Variants in ACOX3 observed in about 807,000 individuals in gnomAD.
ACOX3 encodes the protein acyl-CoA oxidase 3, pristanoyl, also known as peroxisomal acyl-coenzyme A oxidase 3.
A neutral mutation model predicts 81.5 loss-of-function variants in ACOX3; 73 were observed. That is an observed-to-expected ratio of 0.90 (90% CI 0.74 to 1.09). ACOX3 has a LOEUF of 1.09. Among genes scored for constraint, ACOX3 ranks in the 50% least tolerant of loss-of-function variants. ACOX3 has a pLI of 0.00. For missense variants in ACOX3, 947 were observed against 928.0 expected, an observed-to-expected ratio of 1.02 and a Z score of -0.27; for synonymous variants, 387 against 375.1, an observed-to-expected ratio of 1.03 and a Z score of -0.37.
Position 8,382,845 on chromosome 4 carries a change from A to C in ACOX3, c.1538-1238T>G, listed in dbSNP as rs1717849251. Among the ~76,000 whole-genome samples the C allele has an allele frequency of 6.6e-6, 1 of 151,978 alleles. No homozygotes were observed. The highest frequency in any genetic ancestry group is 1.5e-5 in the Non-Finnish European group (1 of 67,966). On this transcript the variant is annotated intron_variant, in intron 13 of 17. Coordinates refer to ENST00000356406, the MANE Select transcript of ACOX3 (RefSeq NM_003501.3). The surrounding 1 kb of genome is among the most constrained non-coding windows in gnomAD (Gnocchi z 4.1). ...GTCTCTACTAAAAATACAAAAAATT[A>C]GCCGGGCGCAGTGGCAGGCGCCTGT...
At position 8,381,823 on chromosome 4, in the gene ACOX3, TGGCTCA is replaced by T. The variant is rs1053304556; in HGVS notation, c.1538-222_1538-217del. 1.3e-5 allele frequency among the ~76,000 whole-genome samples: 2 copies of T among 152,208 alleles called. No homozygotes were observed. Among genetic ancestry groups the T allele is most frequent in the Non-Finnish European group, 2.9e-5 (2 of 68,026 alleles). On this transcript the variant is annotated intron_variant, in intron 13 of 17. Transcript: ENST00000356406. The surrounding 1 kb of genome is among the most constrained non-coding windows in gnomAD (Gnocchi z 4.3). The stretch of plus-strand genomic sequence containing the variant: ...GGCCCCCCTGGCTGGAGGCACTTCC[TGGCTCA>T]GCCCAGGGCTGTCCTGAGTTCTACA...
chr4:8,417,512 G>A (rs10022276), intron 1 of ACOX3, among the ~76,000 whole-genome samples: 2,984 of 152,322 alleles, frequency 0.02, 109 homozygotes, highest in African/African-American at 0.068. Flanking sequence ...ATGGAGAAAC[G>A]GAAGCTCAGA....
chr4:8,376,318 G>C (rs1315626122), intron 14 of ACOX3, among the ~76,000 whole-genome samples: 1 of 150,496 alleles, frequency 6.6e-6, no homozygotes, highest in Non-Finnish European at 1.5e-5. Context: ...TGCTTGACTT[G>C]TTAGGATGAG....
chr4:8,366,711 A>T lies in ACOX3; in HGVS notation c.*250T>A. On this transcript the variant is annotated 3_prime_UTR_variant, in exon 18 of 18. Coordinates refer to ENST00000356406, the MANE Select transcript of ACOX3 (RefSeq NM_003501.3). ...CTAATTATCAAAAAACCCACGGCGCATCAGGTAGACATGATCATCTGCATT... is the reference window on the plus strand; with the variant it reads ...CTAATTATCAAAAAACCCACGGCGCTTCAGGTAGACATGATCATCTGCATT... 2.8e-6 allele frequency: 1 copy of T among 351,090 alleles called. No individual in the cohort carries two copies. The highest frequency in any genetic ancestry group is 5.2e-6 in the Non-Finnish European group (1 of 191,318). 21.7% of individuals were successfully genotyped at this position (351,090 alleles called of 1,614,324 possible).
In ACOX3 at chr4:8,370,785, G is replaced by A. The variant is rs1323961105; in HGVS notation, c.1983+123C>T. ...ACTTGTCCCGGGCCCTCCCCAAGAA[G>A]CTCCTCCATGTGTGACCACTTTCCA... On this transcript the variant is annotated intron_variant, in intron 17 of 17. Transcript: ENST00000356406. The surrounding 1 kb of genome is among the most constrained non-coding windows in gnomAD (Gnocchi z 6.3). The A allele has an allele frequency of 1.1e-5, 9 of 809,146 alleles. No individual in the cohort carries two copies. The highest frequency in any genetic ancestry group is 6.6e-4 in the Middle Eastern group (2 of 3,034). 50.1% of individuals were successfully genotyped at this position (809,146 alleles called of 1,614,324 possible). A position where few individuals can be genotyped will look rare whatever the true frequency, so the allele number is the denominator to read the frequency against.
At position 8,432,244 on chromosome 4, in the gene ACOX3, T is replaced by C. The variant is rs1270712535; in HGVS notation, c.-15+8404A>G. Among the ~76,000 whole-genome samples, 1 of 152,208 alleles carries C rather than the reference T, an allele frequency of 6.6e-6. No individual in the cohort carries two copies. Among genetic ancestry groups the C allele is most frequent in the African/African-American group, 2.4e-5 (1 of 41,458 alleles). On this transcript the variant is annotated intron_variant, in intron 1 of 17. Coordinates refer to ENST00000356406, the MANE Select transcript of ACOX3 (RefSeq NM_003501.3). The surrounding 1 kb of genome is among the most constrained non-coding windows in gnomAD (Gnocchi z 6.2). ...GTTACTGGCTTGAGCCAATGAATTT[T>C]TTTTTTCGAGATGGAGTCTCGCTCT... is the stretch of plus-strand genomic sequence containing the variant.
intron 16 of ACOX3, 80 bp downstream of exon 16, chr4:8,373,481 G>C: frequency 6.9e-7 from 1 of 1,455,788 alleles, no homozygotes; most frequent in Non-Finnish European, 9.5e-7. Context: ...TGTCGGTCTG[G>C]GTGATGCTAA....
chr4:8,426,465 C>A (rs114131448), intron 1 of ACOX3, among the ~76,000 whole-genome samples: 1 of 152,056 alleles, frequency 6.6e-6, no homozygotes, highest in Non-Finnish European at 1.5e-5. Flanking sequence ...CAAGCGACAA[C>A]TGCGAGGAAA....
At chr4:8,356,405 G>C in the ACOX3 span, 1 of 400,200 alleles carries the variant, frequency 2.5e-6, no homozygotes, top group Non-Finnish European at 5.1e-6. Context: ...GCATGTGCAC[G>C]GATGGCTGCC....
chr4:8,369,226 G>A (rs1715851046), intron 17 of ACOX3, among the ~76,000 whole-genome samples: 1 of 152,118 alleles, frequency 6.6e-6, no homozygotes, highest in South Asian at 2.1e-4. Flanking sequence ...TCCATGGCGG[G>A]TCTGGCTCCA....
At chr4:8,421,395 A>T (rs2631762) in intron 1 of ACOX3, among the ~76,000 whole-genome samples, 108,102 of 152,186 alleles carry the variant, frequency 0.71, 39,261 homozygotes, top group African/African-American at 0.86. Flanking sequence ...TTGGGGAAGC[A>T]GAGGGCTGAC....
chr4:8,375,026 G>A lies in ACOX3; in HGVS notation c.1780C>T (p.Leu594=), dbSNP rs1170341420. The change falls in exon 15 of 18, where the codon CTG becomes TTG. Residue 594 remains leucine, a synonymous_variant. Transcript: ENST00000356406. ...LRAVLGRLSA[L]YALWSLSRHA... The stretch of plus-strand genomic sequence containing the variant: ...CGGCTCAGGGACCACAGGGCGTACA[G>A]AGCACTGAGCCGCCCCAGCACGGCC... 3.2e-6 allele frequency: 5 copies of A among 1,554,716 alleles called. No individual in the cohort carries two copies. The highest frequency in any genetic ancestry group is 2.0e-5 in the Admixed American group (1 of 51,134).
chr4:8,413,839 A>G (rs1441664736), intron 5 of ACOX3, among the ~76,000 whole-genome samples: 1 of 152,262 alleles, frequency 6.6e-6, no homozygotes, highest in East Asian at 1.9e-4. Flanking sequence ...GAGGAGTCAG[A>G]CTGCGGTGGC....
chr4:8,418,173 G>A (rs1722542151), intron 1 of ACOX3, among the ~76,000 whole-genome samples: 1 of 152,130 alleles, frequency 6.6e-6, no homozygotes, highest in Non-Finnish European at 1.5e-5. Flanking sequence ...ATTCTATGAG[G>A]CCAGTATTAC....
In ACOX3 at chr4:8,385,736, CTG is replaced by C. The variant is rs1403645367; in HGVS notation, c.1537+3435_1537+3436del. ...AGGCAAGCGCAACCCCGGAAGGGGC[CTG>C]TGTCTCTCCAGTCCTGCAGAGCCTG... is the stretch of plus-strand genomic sequence containing the variant. On this transcript the variant is annotated intron_variant, in intron 13 of 17. Coordinates refer to ENST00000356406, the MANE Select transcript of ACOX3 (RefSeq NM_003501.3). The surrounding 1 kb of genome is among the most constrained non-coding windows in gnomAD (Gnocchi z 5.5). Among the ~76,000 whole-genome samples, 1 of 152,250 alleles carries C rather than the reference CTG, an allele frequency of 6.6e-6. No individual in the cohort carries two copies. Among genetic ancestry groups the C allele is most frequent in the African/African-American group, 2.4e-5 (1 of 41,464 alleles).
Position 8,366,724 on chromosome 4 carries a change from G to T in ACOX3, c.*237C>A. ...AACCCACGGCGCATCAGGTAGACAT[G>T]ATCATCTGCATTTCTTTTCCACGCT... On this transcript the variant is annotated 3_prime_UTR_variant, in exon 18 of 18. Coordinates refer to ENST00000356406, the MANE Select transcript of ACOX3 (RefSeq NM_003501.3). 1 of 425,308 alleles carries T rather than the reference G, an allele frequency of 2.4e-6. No individual in the cohort carries two copies. The highest frequency in any genetic ancestry group is 4.3e-6 in the Non-Finnish European group (1 of 234,712). 26.3% of individuals were successfully genotyped at this position (425,308 alleles called of 1,614,324 possible).
Position 8,419,546 on chromosome 4 carries a change from C to A in ACOX3, c.-14-3011G>T, listed in dbSNP as rs1233206634. 6.6e-6 allele frequency among the ~76,000 whole-genome samples: 1 copy of A among 152,168 alleles called. No individual in the cohort carries two copies. The highest frequency in any genetic ancestry group is 1.9e-4 in the East Asian group (1 of 5,190). On this transcript the variant is annotated intron_variant, in intron 1 of 17. Transcript: ENST00000356406. This position sits in a 1 kb window ranked among gnomAD's most constrained non-coding sequence, Gnocchi z 4.2. ...CCAGTGAAAATGTAAAGTGACCCAG[C>A]CATTCTGGAGAACAGTGTGGCAGTT...
intron 17 of ACOX3, among the ~76,000 whole-genome samples, chr4:8,369,337 C>T (rs1715864666): frequency 1.3e-5 from 2 of 152,140 alleles, no homozygotes; most frequent in Admixed American, 6.5e-5. Flanking sequence ...CTATGCGCTC[C>T]CCCAGGACCC....
the ACOX3 span, chr4:8,355,819 T>C: frequency 6.5e-6 from 1 of 153,466 alleles, no homozygotes; most frequent in Non-Finnish European, 1.4e-5. Flanking sequence ...TGTACAAATA[T>C]CTTACAAGCC....
Sources: gnomAD v4.1 joint callset for allele counts (sites outside exome capture counted in the v4.1 genomes callset) on GRCh38, gnomAD v4.1.1 for gene constraint, Gnocchi (gnomAD v3.1) non-coding constraint, MANE v1.5 for transcripts, NCBI Gene and HGNC (gene_info 2026-07-23, HGNC 2026-07-21) for gene names.